Variants in AFG2A observed in about 807,000 individuals in gnomAD.
The protein encoded by AFG2A is ATPase family gene 2 protein homolog A.
At chr4:123,079,413 G>A in the AFG2A span, among the ~76,000 whole-genome samples, 3 of 152,228 alleles carry the variant, frequency 2.0e-5, no homozygotes, top group African/African-American at 7.2e-5. Context: ...ACATTATTTG[G>A]ATGTAGCTCC....
At chr4:122,947,460 A>G in the AFG2A span, 2 of 1,613,094 alleles carry the variant, frequency 1.2e-6, no homozygotes, top group East Asian at 2.2e-5. Flanking sequence ...ACGTTGGAGC[A>G]GACTTGAAAG....
At chr4:122,926,840 C>T in the AFG2A span, among the ~76,000 whole-genome samples, 1 of 152,180 alleles carries the variant, frequency 6.6e-6, no homozygotes, top group Non-Finnish European at 1.5e-5. Flanking sequence ...ATATTTAATG[C>T]ACTGTAAGCA....
the AFG2A span, among the ~76,000 whole-genome samples, chr4:123,004,682 A>C: frequency 6.6e-6 from 1 of 152,176 alleles, no homozygotes; most frequent in East Asian, 1.9e-4. Context: ...ATTGTTCTGT[A>C]GTTTTCTTAG....
chr4:123,072,617 T>C, the AFG2A span, among the ~76,000 whole-genome samples: 2 of 152,180 alleles, frequency 1.3e-5, no homozygotes, highest in African/African-American at 2.4e-5. Context: ...CAAAATGTAA[T>C]TGCCAGCTGT....
the AFG2A span, among the ~76,000 whole-genome samples, chr4:123,101,396 A>G: frequency 6.6e-6 from 1 of 151,964 alleles, no homozygotes; most frequent in Non-Finnish European, 1.5e-5. Context: ...GCAGACTTAT[A>G]TTCATTCATT....
the AFG2A span, among the ~76,000 whole-genome samples, chr4:123,114,399 C>T: frequency 1.4e-4 from 22 of 152,288 alleles, no homozygotes; most frequent in South Asian, 4.1e-4. Flanking sequence ...TGCTCACACC[C>T]GTGCCAAGGA....
At chr4:123,200,186 A>G in the AFG2A span, among the ~76,000 whole-genome samples, 7 of 152,238 alleles carry the variant, frequency 4.6e-5, no homozygotes, top group Non-Finnish European at 8.8e-5. Flanking sequence ...AGATGAACTT[A>G]AATTCACAGG....
At chr4:123,161,724 C>G in the AFG2A span, among the ~76,000 whole-genome samples, 4 of 152,080 alleles carry the variant, frequency 2.6e-5, no homozygotes, top group African/African-American at 9.6e-5. Flanking sequence ...AAGGTTAATC[C>G]CTGCTCTGAC....
At chr4:122,989,970 C>T in the AFG2A span, among the ~76,000 whole-genome samples, 8 of 152,200 alleles carry the variant, frequency 5.3e-5, no homozygotes, top group East Asian at 1.9e-4. Flanking sequence ...GATCCTCCCA[C>T]CTCAGTCACC....
the AFG2A span, among the ~76,000 whole-genome samples, chr4:123,117,747 C>G: frequency 6.6e-6 from 1 of 151,524 alleles, no homozygotes; most frequent in Non-Finnish European, 1.5e-5. Context: ...AGTCACAAAT[C>G]ATAGCAAGTC....
At chr4:122,928,571 TCCTC>T in the AFG2A span, among the ~76,000 whole-genome samples, 1 of 152,320 alleles carries the variant, frequency 6.6e-6, no homozygotes, top group African/African-American at 2.4e-5. Context: ...AAATTTTCGC[TCCTC>T]CCTCTTAACA....
At chr4:123,282,230 G>A in the AFG2A span, among the ~76,000 whole-genome samples, 3 of 152,126 alleles carry the variant, frequency 2.0e-5, no homozygotes, top group African/African-American at 7.2e-5. Flanking sequence ...GGGAGGAAAT[G>A]GAAGGGGAGA....
At chr4:123,281,606 C>T in the AFG2A span, among the ~76,000 whole-genome samples, 1 of 151,904 alleles carries the variant, frequency 6.6e-6, no homozygotes, top group Non-Finnish European at 1.5e-5. Flanking sequence ...ATTAAGACAC[C>T]CATCTACCTT....
the AFG2A span, among the ~76,000 whole-genome samples, chr4:123,100,674 C>G: frequency 1.3e-5 from 2 of 151,860 alleles, no homozygotes; most frequent in East Asian, 3.9e-4. Flanking sequence ...TTGTCAGCTG[C>G]ACATTGAGAT....
the AFG2A span, among the ~76,000 whole-genome samples, chr4:123,284,052 G>C: frequency 6.6e-6 from 1 of 152,106 alleles, no homozygotes; most frequent in Non-Finnish European, 1.5e-5. Context: ...TTACAGTAAA[G>C]GTAAGCGGAA....
chr4:123,292,652 T>C, the AFG2A span, among the ~76,000 whole-genome samples: 4 of 152,184 alleles, frequency 2.6e-5, no homozygotes, highest in African/African-American at 9.6e-5. Context: ...ATAAAACATC[T>C]TTGCACAGTG....
At chr4:123,132,705 A>G in the AFG2A span, among the ~76,000 whole-genome samples, 1 of 148,680 alleles carries the variant, frequency 6.7e-6, no homozygotes, top group African/African-American at 2.5e-5. Flanking sequence ...TAGCTTGGCT[A>G]TTGTGAATAA....
the AFG2A span, chr4:122,927,564 A>G: frequency 9.5e-6 from 14 of 1,471,714 alleles, no homozygotes; most frequent in Middle Eastern, 2.4e-4. Flanking sequence ...ATTTTTATTT[A>G]CTGCAAAAGA....
At chr4:123,121,990 C>A in the AFG2A span, among the ~76,000 whole-genome samples, 1 of 152,136 alleles carries the variant, frequency 6.6e-6, no homozygotes, top group African/African-American at 2.4e-5. Context: ...ATATTATCAC[C>A]TTATGTCTTG....
Sources: allele counts gnomAD v4.1 joint callset (sites outside exome capture counted in the v4.1 genomes callset), GRCh38; gene constraint gnomAD v4.1.1; transcripts MANE v1.5; gene names NCBI Gene and HGNC (gene_info 2026-07-23, HGNC 2026-07-21).